Variants in ALDH1A1 observed in about 807,000 individuals in gnomAD.
The protein encoded by ALDH1A1 is aldehyde dehydrogenase 1A1.
A neutral mutation model predicts 62.1 loss-of-function variants in ALDH1A1; 19 were observed. The ratio of observed to expected loss-of-function variants is 0.31; its 90% CI spans 0.21 to 0.45. The LOEUF is 0.45. ALDH1A1 is among the 20% of genes least tolerant of loss of function. ALDH1A1 has a pLI of 1.00. For synonymous variants in ALDH1A1, 231 were observed against 215.9 expected, an observed-to-expected ratio of 1.07 and a Z score of -0.61; for missense variants, 521 against 607.1, an observed-to-expected ratio of 0.86 and a Z score of 1.49.
intron 11 of ALDH1A1, among the ~76,000 whole-genome samples, chr9:72,908,579 GAAAGAAAGA>G (rs1829926879): frequency 2.4e-5 from 3 of 125,844 alleles, no homozygotes; most frequent in African/African-American, 9.2e-5. Context: ...AAGAAAGAAA[GAAAGAAAGA>G]AAGAAAGAAA....
chr9:72,925,739 CATATT>C lies in ALDH1A1; in HGVS notation c.505-132_505-128del, dbSNP rs1830197105. The C allele has an allele frequency of 7.5e-6, 8 of 1,067,214 alleles. No homozygotes were observed. In the South Asian group the frequency reaches 1.2e-4, roughly 16 times the overall value. The allele number at this position is 1,067,214 out of a possible 1,614,324, so 66.1% of individuals were successfully genotyped here. The stretch of plus-strand genomic sequence containing the variant: ...TGCGTAGTTTTGTGAAATCATCTGG[CATATT>C]ATACTTCATTGCTAAAAGCAACTAG... On this transcript the variant is annotated intron_variant, in intron 5 of 12. Coordinates refer to ENST00000297785, the MANE Select transcript of ALDH1A1 (RefSeq NM_000689.5).
At chr9:72,913,231 C>T (rs1174591754) in intron 9 of ALDH1A1, among the ~76,000 whole-genome samples, 3 of 152,172 alleles carry the variant, frequency 2.0e-5, no homozygotes, top group Non-Finnish European at 4.4e-5. Flanking sequence ...AGATTAAGCA[C>T]TATTTGAAAC....
intron 1 of ALDH1A1, among the ~76,000 whole-genome samples, chr9:72,940,762 A>G (rs1353484700): frequency 6.6e-6 from 1 of 152,202 alleles, no homozygotes; most frequent in Non-Finnish European, 1.5e-5. Flanking sequence ...ACATTGTTTC[A>G]TTGGCTTTTT....
At chr9:72,901,576 A>G (rs570150663) in intron 12 of ALDH1A1, among the ~76,000 whole-genome samples, 266 of 152,142 alleles carry the variant, frequency 1.7e-3, no homozygotes, top group Non-Finnish European at 3.3e-3. Flanking sequence ...GATTTTAAAA[A>G]CTCGAACTGC....
At chr9:72,921,063 C>T (rs750997712) in intron 7 of ALDH1A1, among the ~76,000 whole-genome samples, 3 of 151,906 alleles carry the variant, frequency 2.0e-5, no homozygotes, top group Admixed American at 6.6e-5. Context: ...CTGGCTAACA[C>T]GGTGAAACCC....
intron 1 of ALDH1A1, among the ~76,000 whole-genome samples, chr9:72,940,874 A>G (rs2118568603): frequency 6.6e-6 from 1 of 152,320 alleles, no homozygotes; most frequent in South Asian, 2.1e-4. Context: ...ACTATGAGAA[A>G]TAGACATGCA....
At position 72,911,903 on chromosome 9, in the gene ALDH1A1, CACAA is replaced by C. The variant is rs1249948447; in HGVS notation, c.1200+51_1200+54del. On this transcript the variant is annotated intron_variant, in intron 10 of 12. Coordinates refer to ENST00000297785, the MANE Select transcript of ALDH1A1 (RefSeq NM_000689.5). ...ATTTTAAAGTGACACTTTGTATACA[CACAA>C]ACAGACAAAACATGGCAACAAAAAG... 1.4e-5 allele frequency: 23 copies of C among 1,594,730 alleles called. No individual in the cohort carries two copies. The African/African-American group carries it at 1.9e-4, about 13-fold the overall frequency.
At chr9:72,901,955 T>C (rs1829808299) in intron 12 of ALDH1A1, among the ~76,000 whole-genome samples, 2 of 152,092 alleles carry the variant, frequency 1.3e-5, no homozygotes, top group South Asian at 4.1e-4. Flanking sequence ...TGACCTTTAT[T>C]TTTTATTTAA....
intron 8 of ALDH1A1, among the ~76,000 whole-genome samples, chr9:72,917,958 AGAATATT>A (rs756523196): frequency 5.3e-5 from 8 of 152,238 alleles, no homozygotes; most frequent in Non-Finnish European, 1.2e-4. Flanking sequence ...TCATGTTTAT[AGAATATT>A]TCATAAGGTA....
intron 5 of ALDH1A1, 28 bp from the exon 6 acceptor site, chr9:72,925,640 C>A (rs749842101): frequency 1.2e-4 from 191 of 1,605,638 alleles, no homozygotes; most frequent in African/African-American, 1.3e-5. Context: ...ACAATAGATT[C>A]TTTGTATTGC....
At chr9:72,905,567 A>G (rs573782424) in intron 12 of ALDH1A1, among the ~76,000 whole-genome samples, 2 of 152,280 alleles carry the variant, frequency 1.3e-5, no homozygotes, top group Non-Finnish European at 2.9e-5. Context: ...TAAATGGTTT[A>G]TTCAAATAAC....
chr9:72,934,338 C>A (rs1484633122), intron 2 of ALDH1A1, among the ~76,000 whole-genome samples: 2 of 152,110 alleles, frequency 1.3e-5, no homozygotes, highest in African/African-American at 4.8e-5. Context: ...AGTTCATTCT[C>A]TTCTCTCCTC....
At chr9:72,903,188 G>T (rs899444909) in intron 12 of ALDH1A1, among the ~76,000 whole-genome samples, 6 of 152,026 alleles carry the variant, frequency 3.9e-5, no homozygotes, top group Non-Finnish European at 5.9e-5. Context: ...GGTGGGAGGG[G>T]CTAAGAGCCA....
intron 9 of ALDH1A1, among the ~76,000 whole-genome samples, chr9:72,913,781 G>A (rs1450161312): frequency 6.6e-6 from 1 of 152,200 alleles, no homozygotes; most frequent in Non-Finnish European, 1.5e-5. Context: ...CAGCAGTTGT[G>A]GCATCACTTG....
intron 7 of ALDH1A1, among the ~76,000 whole-genome samples, chr9:72,921,471 G>C (rs1402813802): frequency 6.7e-6 from 1 of 148,748 alleles, no homozygotes; most frequent in Non-Finnish European, 1.5e-5. Flanking sequence ...TGGGTTTTGT[G>C]GCTCCTAAAA....
At chr9:72,944,462 C>T (rs1405401013) in intron 1 of ALDH1A1, among the ~76,000 whole-genome samples, 3 of 152,028 alleles carry the variant, frequency 2.0e-5, no homozygotes, top group Admixed American at 2.0e-4. Context: ...ATTCATAGGG[C>T]CTACCTCAAA....
chr9:72,909,275 C>T (rs1010017129), intron 11 of ALDH1A1, among the ~76,000 whole-genome samples: 2 of 149,026 alleles, frequency 1.3e-5, no homozygotes, highest in African/African-American at 2.5e-5. Flanking sequence ...AATTCTCCTG[C>T]CTCATCCTCC....
At chr9:72,902,614 C>T (rs185102322) in intron 12 of ALDH1A1, among the ~76,000 whole-genome samples, 278 of 152,072 alleles carry the variant, frequency 1.8e-3, no homozygotes, top group Non-Finnish European at 2.7e-3. Context: ...CCATGACTTT[C>T]GCCAATAGGC....
At chr9:72,922,691 G>A (rs1162765447) in intron 7 of ALDH1A1, among the ~76,000 whole-genome samples, 4 of 152,170 alleles carry the variant, frequency 2.6e-5, no homozygotes, top group Non-Finnish European at 4.4e-5. Flanking sequence ...ATTCCCTATT[G>A]GGGAGGGTCT....
Sources: allele counts gnomAD v4.1 joint callset (sites outside exome capture counted in the v4.1 genomes callset), GRCh38; gene constraint gnomAD v4.1.1; transcripts MANE v1.5; gene names NCBI Gene and HGNC (gene_info 2026-07-23, HGNC 2026-07-21).